RNF214: variants seen among roughly 807,000 people sequenced by gnomAD.
The protein encoded by RNF214 is ring finger protein 214.
Under a neutral mutation model 75.9 loss-of-function variants are expected in RNF214, and 25 were observed. The ratio of observed to expected loss-of-function variants is 0.33; its 90% CI spans 0.24 to 0.46. The LOEUF (loss-of-function observed/expected upper bound fraction) is 0.46, where lower values mean the gene tolerates loss of function less well. Among genes scored for constraint, RNF214 ranks in the 20% least tolerant of loss-of-function variants. The probability of loss-of-function intolerance (pLI) is 1.00; values close to 1 mark genes in which losing one functional copy is unlikely to be tolerated. For synonymous variants in RNF214, 314 were observed against 308.8 expected (o/e 1.02, Z -0.18); for missense variants, 725 against 857.5 (o/e 0.85, Z 1.93).
In RNF214 at chr11:117,270,932, T is replaced by C. The variant is rs2033898844; in HGVS notation, c.960-8976T>C. Reference sequence around the variant, plus strand: ...TTTTTTTTGAGACAGAATGTGGCTCTGTCCCCCAGGCTAGAGTGCAGTGGC... The same window carrying C: ...TTTTTTTTGAGACAGAATGTGGCTCCGTCCCCCAGGCTAGAGTGCAGTGGC... On this transcript the variant is annotated intron_variant, in intron 6 of 14. Coordinates refer to ENST00000300650, the MANE Select transcript of RNF214 (RefSeq NM_207343.4). Among the ~76,000 whole-genome samples the C allele has an allele frequency of 2.0e-5, 3 of 152,158 alleles. No individual in the cohort carries two copies. In the South Asian group the frequency reaches 6.2e-4, roughly 32 times the overall value.
intron 2 of RNF214, among the ~76,000 whole-genome samples, chr11:117,238,373 C>G (rs2032969234): frequency 6.6e-6 from 1 of 152,180 alleles, no homozygotes; most frequent in South Asian, 2.1e-4. Flanking sequence ...GCACTGCACT[C>G]TAGCTTGGGT....
chr11:117,251,713 A>G (rs2134377429), intron 6 of RNF214, among the ~76,000 whole-genome samples: 1 of 152,298 alleles, frequency 6.6e-6, no homozygotes, highest in Admixed American at 6.5e-5. Context: ...GATGTGAGAG[A>G]AAAGCAAGCA....
Position 117,233,462 on chromosome 11 carries a change from G to A in RNF214, c.-7+736G>A, listed in dbSNP as rs1353690905. Among the ~76,000 whole-genome samples the A allele has an allele frequency of 2.0e-5, 3 of 152,200 alleles. 1 individual carries two copies. Among genetic ancestry groups the A allele is most frequent in the Middle Eastern group, 6.3e-3 (2 of 316 alleles). On this transcript the variant is annotated intron_variant, in intron 1 of 14. Transcript: ENST00000300650. ...TGTGATGCTGTTAAAATAAAAGCAAGAATGCAAACTAACCCGATGTTCATC... is the reference window on the plus strand; with the variant it reads ...TGTGATGCTGTTAAAATAAAAGCAAAAATGCAAACTAACCCGATGTTCATC...
chr11:117,238,579 T>G, intron 2 of RNF214, 22 bp from the exon 3 acceptor site: 10 of 1,579,910 alleles, frequency 6.3e-6, no homozygotes, highest in Non-Finnish European at 8.6e-6. Context: ...ATACTTTTCT[T>G]TTTATCTTGT....
At chr11:117,255,825 T>C (rs1171766981) in intron 6 of RNF214, among the ~76,000 whole-genome samples, 1 of 152,206 alleles carries the variant, frequency 6.6e-6, no homozygotes, top group Non-Finnish European at 1.5e-5. Flanking sequence ...CCTGCCTGCC[T>C]CCTTTCTCAT....
intron 6 of RNF214, among the ~76,000 whole-genome samples, chr11:117,270,935 C>A (rs1171105767): frequency 2.0e-5 from 3 of 151,630 alleles, no homozygotes; most frequent in Non-Finnish European, 4.4e-5. Flanking sequence ...GTGGCTCTGT[C>A]CCCCAGGCTA....
intron 6 of RNF214, among the ~76,000 whole-genome samples, chr11:117,247,154 T>C (rs2033245723): frequency 6.6e-6 from 1 of 152,174 alleles, no homozygotes; most frequent in Admixed American, 6.5e-5. Context: ...TTAAATACTT[T>C]GAAATAATAA....
At chr11:117,279,103 A>G (rs895498630) in intron 6 of RNF214, among the ~76,000 whole-genome samples, 4 of 152,120 alleles carry the variant, frequency 2.6e-5, no homozygotes, top group African/African-American at 4.8e-5. Context: ...TCTATAAAAA[A>G]CAAACAAACA....
Position 117,239,011 on chromosome 11 carries a change from C to T in RNF214, c.518C>T (p.Pro173Leu). 16 of 1,614,192 alleles carry T rather than the reference C, an allele frequency of 9.9e-6. No individual in the cohort carries two copies. The highest frequency in any genetic ancestry group is 1.7e-5 in the Admixed American group (1 of 60,010). The change falls in exon 3 of 15, where the codon CCT becomes CTT. Residue 173 changes from proline (P) to leucine (L), a missense_variant. Physicochemically the swap from Pro to Leu is moderately conservative, Grantham distance 98. This residue lies in a region of RNF214 where 362 missense variants were observed against 344.5 expected (regional missense o/e 1.05). Coordinates refer to ENST00000300650, the MANE Select transcript of RNF214 (RefSeq NM_207343.4). The part of the protein sequence containing the change: ...GNRDTSLDFR[P>L]VVSPANGVEG... Reference sequence around the variant, plus strand: ...AGGGACACAAGCTTGGATTTCCGACCTGTAGTGTCTCCAGCAAATGGGGTT... The same window carrying T: ...AGGGACACAAGCTTGGATTTCCGACTTGTAGTGTCTCCAGCAAATGGGGTT...
chr11:117,236,449 A>G (rs936212850), intron 2 of RNF214, among the ~76,000 whole-genome samples: 14 of 151,340 alleles, frequency 9.3e-5, no homozygotes, highest in African/African-American at 3.4e-4. Flanking sequence ...AATTTTTTGT[A>G]TTTTAGTAGA....
intron 6 of RNF214, among the ~76,000 whole-genome samples, chr11:117,276,319 C>T (rs1453341643): frequency 2.6e-5 from 4 of 152,196 alleles, no homozygotes; most frequent in African/African-American, 9.7e-5. Context: ...CCCCTCAGAA[C>T]TGGAACAAGG....
chr11:117,279,837 C>T (rs1402815237), intron 6 of RNF214, 71 bp from the exon 7 acceptor site: 8 of 1,204,682 alleles, frequency 6.6e-6, no homozygotes, highest in East Asian at 2.4e-5. Context: ...TTGGGTTGTA[C>T]TTTTGCCCTG....
chr11:117,236,040 G>A lies in RNF214; in HGVS notation c.107+1661G>A, dbSNP rs546006946. The stretch of plus-strand genomic sequence containing the variant: ...CAGTGGTGCGATCTTGGCTCACTGC[G>A]ACCTCTGCCTCCCGGGTTCAAGTGA... On this transcript the variant is annotated intron_variant, in intron 2 of 14. Transcript: ENST00000300650. Among the ~76,000 whole-genome samples, 20 of 149,948 alleles carry A rather than the reference G, an allele frequency of 1.3e-4. No homozygotes were observed. The South Asian group carries it at 3.8e-3, about 29-fold the overall frequency.
chr11:117,267,432 T>C (rs2033818826), intron 6 of RNF214, among the ~76,000 whole-genome samples: 1 of 152,026 alleles, frequency 6.6e-6, no homozygotes, highest in Non-Finnish European at 1.5e-5. Context: ...ATTTTCTTGG[T>C]CAGGTGCAAT....
intron 2 of RNF214, among the ~76,000 whole-genome samples, chr11:117,234,645 C>T (rs994006901): frequency 4.6e-5 from 7 of 152,184 alleles, no homozygotes; most frequent in Non-Finnish European, 8.8e-5. Flanking sequence ...CCCTTTCCTA[C>T]GTGGACTGTA....
At chr11:117,235,448 G>C (rs541180319) in intron 2 of RNF214, among the ~76,000 whole-genome samples, 37 of 150,480 alleles carry the variant, frequency 2.5e-4, no homozygotes, top group Non-Finnish European at 4.7e-4. Flanking sequence ...CGCCTGCCTC[G>C]GCCTCCCAAA....
chr11:117,245,945 G>A (rs1316182043), intron 5 of RNF214, among the ~76,000 whole-genome samples: 1 of 152,042 alleles, frequency 6.6e-6, no homozygotes, highest in Admixed American at 6.6e-5. Context: ...GTGGGGGAGT[G>A]ACTCTTTATC....
chr11:117,268,553 T>C (rs1279455378), intron 6 of RNF214, among the ~76,000 whole-genome samples: 3 of 152,250 alleles, frequency 2.0e-5, no homozygotes, highest in African/African-American at 7.2e-5. Flanking sequence ...TCTGTTTCTT[T>C]ACTGTCTATT....
intron 14 of RNF214, among the ~76,000 whole-genome samples, chr11:117,284,717 G>T (rs1193560486): frequency 1.3e-5 from 2 of 151,988 alleles, no homozygotes; most frequent in Non-Finnish European, 2.9e-5. Context: ...ATCACTTGAG[G>T]CCAGGAGTTC....
Sources: gnomAD v4.1 joint callset for allele counts (sites outside exome capture counted in the v4.1 genomes callset) on GRCh38, gnomAD v4.1.1 for gene constraint, gnomAD v4.1.1 regional missense constraint, MANE v1.5 for transcripts, NCBI Gene and HGNC (gene_info 2026-07-23, HGNC 2026-07-21) for gene names.